Variants in CACHD1 observed in about 807,000 individuals in gnomAD.
CACHD1 encodes cache domain containing 1.
CACHD1 carries 71 observed loss-of-function variants against 138.7 expected under a neutral mutation model. The ratio of observed to expected loss-of-function variants is 0.51; its 90% CI spans 0.42 to 0.62. The LOEUF (loss-of-function observed/expected upper bound fraction) is 0.62, where lower values mean the gene tolerates loss of function less well. Ranked by LOEUF, CACHD1 falls within the 20% of genes least tolerant of loss-of-function variation. The pLI is 0.00. For synonymous variants in CACHD1, 578 were observed against 591.5 expected (o/e 0.98, Z 0.33); for missense variants, 1,389 against 1,625.3 (o/e 0.85, Z 2.50).
chr1:64,674,294 C>T (rs1340604110), intron 19 of CACHD1, among the ~76,000 whole-genome samples: 1 of 152,248 alleles, frequency 6.6e-6, no homozygotes, highest in East Asian at 1.9e-4. Context: ...CCTGTTCAGA[C>T]CCCATACCAT....
intron 2 of CACHD1, among the ~76,000 whole-genome samples, chr1:64,566,115 AC>A (rs983827174): frequency 1.3e-5 from 2 of 151,840 alleles, no homozygotes; most frequent in Non-Finnish European, 2.9e-5. Context: ...TTTAGTTTTT[AC>A]CCCCTTCTCT....
intron 1 of CACHD1, among the ~76,000 whole-genome samples, chr1:64,523,783 A>G (rs1248960384): frequency 6.6e-6 from 1 of 152,192 alleles, no homozygotes; most frequent in Non-Finnish European, 1.5e-5. Flanking sequence ...AGTCAGAAAT[A>G]GTCTGTGGAG....
rs187667062 is a variant in CACHD1, at chr1:64,682,144, C to T, written c.3586+38C>T. 1.2e-4 allele frequency: 188 copies of T among 1,554,278 alleles called. 1 individual carries two copies. The African/African-American group carries it at 2.2e-3, about 18-fold the overall frequency. Reference sequence around the variant, plus strand: ...TTCCTGCATTTGAAGACCCAAGGAACCTCATGTACTCCTGTGGGATGATGC... The same window carrying T: ...TTCCTGCATTTGAAGACCCAAGGAATCTCATGTACTCCTGTGGGATGATGC... On this transcript the variant is annotated intron_variant, in intron 26 of 26. Coordinates refer to ENST00000651257, the MANE Select transcript of CACHD1 (RefSeq NM_020925.4).
chr1:64,606,551 A>G (rs2100587319), intron 4 of CACHD1, among the ~76,000 whole-genome samples: 1 of 152,256 alleles, frequency 6.6e-6, no homozygotes, highest in South Asian at 2.1e-4. Flanking sequence ...GCTCTGAATG[A>G]GATAGAAAGC....
At chr1:64,549,795 A>ATTTTTTTTTTTTTTT (rs138406571) in intron 1 of CACHD1, among the ~76,000 whole-genome samples, 1 of 136,456 alleles carries the variant, frequency 7.3e-6, no homozygotes. Context: ...TGCTCTTTTT[A>ATTTTTTTTTTTTTTT]TTTTTTTTAT....
At chr1:64,592,695 C>T (rs747929396) in intron 3 of CACHD1, among the ~76,000 whole-genome samples, 1 of 152,176 alleles carries the variant, frequency 6.6e-6, no homozygotes, top group East Asian at 1.9e-4. Context: ...AAATTTCTCT[C>T]GGTAAGCAGT....
chr1:64,677,025 A>G lies in CACHD1; in HGVS notation c.3092+14A>G. 1 of 1,576,772 alleles carries G rather than the reference A, an allele frequency of 6.3e-7. No homozygotes were observed. Among genetic ancestry groups the G allele is most frequent in the South Asian group, 1.1e-5 (1 of 89,148 alleles). On this transcript the variant is annotated intron_variant, in intron 22 of 26. Transcript: ENST00000651257. ...GCTGGAAAGTGGGTAAGCAGAATCTAGTAAAGAATTGAGGTTTTCCAGCTA... is the reference window on the plus strand; with the variant it reads ...GCTGGAAAGTGGGTAAGCAGAATCTGGTAAAGAATTGAGGTTTTCCAGCTA...
At chr1:64,547,499 G>A (rs909052860) in intron 1 of CACHD1, among the ~76,000 whole-genome samples, 9 of 152,078 alleles carry the variant, frequency 5.9e-5, no homozygotes, top group African/African-American at 1.9e-4. Context: ...CCAAGTAGCC[G>A]GGATTACAGG....
intron 1 of CACHD1, among the ~76,000 whole-genome samples, chr1:64,509,713 T>C (rs1365740400): frequency 6.6e-6 from 1 of 152,200 alleles, no homozygotes; most frequent in Non-Finnish European, 1.5e-5. Flanking sequence ...AAGTAGATTT[T>C]ATGATATTTT....
intron 19 of CACHD1, 85 bp from the exon 20 acceptor site, chr1:64,675,316 G>T (rs1649948700): frequency 9.9e-7 from 1 of 1,007,138 alleles, no homozygotes; most frequent in South Asian, 2.3e-5. Flanking sequence ...ATTTTTCGTA[G>T]GTAGTTGAAG....
At chr1:64,558,229 T>C (rs1406704322) in intron 2 of CACHD1, among the ~76,000 whole-genome samples, 1 of 152,264 alleles carries the variant, frequency 6.6e-6, no homozygotes, top group Non-Finnish European at 1.5e-5. Context: ...CAGTTGATCC[T>C]TTTCATCTTC....
chr1:64,472,991 G>T (rs1213592921), intron 1 of CACHD1, among the ~76,000 whole-genome samples: 2 of 152,114 alleles, frequency 1.3e-5, no homozygotes, highest in African/African-American at 4.8e-5. Context: ...TTCAGGTAGG[G>T]ATCCTAAGCA....
In CACHD1 at chr1:64,679,775, C is replaced by T. The variant is rs572098165; in HGVS notation, c.3406+19C>T. 1.2e-5 allele frequency: 19 copies of T among 1,611,558 alleles called. No individual in the cohort carries two copies. Among genetic ancestry groups the T allele is most frequent in the Middle Eastern group, 2.0e-4 (1 of 5,102 alleles). ...GCCCAAGGTGAGCTCAAAATGAACC[C>T]CACAGGGGAGGCAGCAGCCAGGCTA... On this transcript the variant is annotated intron_variant, in intron 24 of 26. Transcript: ENST00000651257.
chr1:64,495,674 C>G (rs1437215685), intron 1 of CACHD1, among the ~76,000 whole-genome samples: 2 of 140,332 alleles, frequency 1.4e-5, no homozygotes, highest in Non-Finnish European at 3.1e-5. Flanking sequence ...TTATTTGACT[C>G]CAAGCTAAGA....
At chr1:64,678,704 A>G (rs538207331) in intron 23 of CACHD1, among the ~76,000 whole-genome samples, 84 of 152,326 alleles carry the variant, frequency 5.5e-4, no homozygotes, top group African/African-American at 1.9e-3. Context: ...TTTGCAAGGT[A>G]GAAGTCTTAT....
chr1:64,691,247 C>T, intron 26 of CACHD1, 76 bp from the exon 27 acceptor site: 1 of 1,373,078 alleles, frequency 7.3e-7, no homozygotes, highest in Non-Finnish European at 1.0e-6. Context: ...CTCCCAGTGC[C>T]CTAGAAATTG....
intron 2 of CACHD1, among the ~76,000 whole-genome samples, chr1:64,581,444 G>A (rs1647012004): frequency 6.6e-6 from 1 of 152,114 alleles, no homozygotes; most frequent in Non-Finnish European, 1.5e-5. Context: ...GTATTTGATG[G>A]GAACAATGGA....
At chr1:64,660,594 G>A (rs1248359237) in intron 13 of CACHD1, among the ~76,000 whole-genome samples, 3 of 151,574 alleles carry the variant, frequency 2.0e-5, no homozygotes, top group South Asian at 2.1e-4. Context: ...ACAGTGGCAC[G>A]ATCTTGGCTC....
chr1:64,667,609 T>A (rs1339098876), intron 16 of CACHD1, among the ~76,000 whole-genome samples: 2 of 152,188 alleles, frequency 1.3e-5, no homozygotes, highest in African/African-American at 4.8e-5. Context: ...CTAAATAGAG[T>A]GACTTGTCAT....
Sources: gnomAD v4.1 joint callset for allele counts (sites outside exome capture counted in the v4.1 genomes callset) on GRCh38, gnomAD v4.1.1 for gene constraint, MANE v1.5 for transcripts, NCBI Gene and HGNC (gene_info 2026-07-23, HGNC 2026-07-21) for gene names.